The following CACNA2D3 variants were observed in gnomAD, a reference collection of about 807,000 sequenced individuals.
The protein encoded by CACNA2D3 is calcium voltage-gated channel auxiliary subunit alpha2delta 3, also known as voltage-dependent calcium channel subunit alpha-2/delta-3.
Under a neutral mutation model 160.6 loss-of-function variants are expected in CACNA2D3, and 60 were observed. The observed-to-expected ratio is 0.37, with a 90% CI of 0.30 to 0.46. CACNA2D3 has a LOEUF of 0.46. Ranked by LOEUF, CACNA2D3 falls within the 20% of genes least tolerant of loss-of-function variation. The pLI, the probability that CACNA2D3 is intolerant of heterozygous loss-of-function variation, is 1.00. For synonymous variants in CACNA2D3, 558 were observed against 492.9 expected (o/e 1.13, Z -1.75); for missense variants, 1,205 against 1,365.0 (o/e 0.88, Z 1.85).
intron 13 of CACNA2D3, among the ~76,000 whole-genome samples, chr3:54,810,154 A>G (rs2106697326): frequency 6.6e-6 from 1 of 152,306 alleles, no homozygotes; most frequent in Admixed American, 6.5e-5. Flanking sequence ...CAACCAGAGG[A>G]AAGAGCCCCA....
chr3:55,000,702 C>A (rs1030008620), intron 31 of CACNA2D3, among the ~76,000 whole-genome samples: 3 of 152,172 alleles, frequency 2.0e-5, no homozygotes, highest in African/African-American at 7.2e-5. Context: ...TGCCATCTGT[C>A]AGAGTGGTTA....
chr3:54,363,059 G>A (rs1012407199), intron 3 of CACNA2D3, among the ~76,000 whole-genome samples: 3 of 152,056 alleles, frequency 2.0e-5, no homozygotes, highest in African/African-American at 7.2e-5. Context: ...GCCAGGTGTG[G>A]TGGTGTGCGC....
chr3:54,978,443 G>A (rs1315423578), intron 29 of CACNA2D3, among the ~76,000 whole-genome samples: 2 of 152,214 alleles, frequency 1.3e-5, no homozygotes, highest in African/African-American at 4.8e-5. Context: ...GAGGAGCTCA[G>A]TCAGAAAGCA....
chr3:54,766,799 A>G (rs913506169), intron 13 of CACNA2D3, among the ~76,000 whole-genome samples: 6 of 152,158 alleles, frequency 3.9e-5, no homozygotes, highest in Non-Finnish European at 7.3e-5. Flanking sequence ...AGAGTGATTT[A>G]CAGAATATAC....
At chr3:54,428,818 T>C (rs888759831) in intron 4 of CACNA2D3, among the ~76,000 whole-genome samples, 1 of 152,244 alleles carries the variant, frequency 6.6e-6, no homozygotes, top group African/African-American at 2.4e-5. Flanking sequence ...GGTTAGTCTG[T>C]ATTAACATAA....
chr3:54,608,665 G>A (rs1698685625), intron 9 of CACNA2D3, among the ~76,000 whole-genome samples: 1 of 152,228 alleles, frequency 6.6e-6, no homozygotes, highest in Non-Finnish European at 1.5e-5. Context: ...CAGTGGTAGT[G>A]CTCAAAGATG....
intron 18 of CACNA2D3, among the ~76,000 whole-genome samples, chr3:54,872,334 T>C (rs959823956): frequency 1.3e-5 from 2 of 152,138 alleles, no homozygotes; most frequent in African/African-American, 4.8e-5. Flanking sequence ...AGGTGGACTC[T>C]CCTTAATTAA....
chr3:54,239,731 A>G (rs1701942653), intron 2 of CACNA2D3, among the ~76,000 whole-genome samples: 1 of 152,262 alleles, frequency 6.6e-6, no homozygotes, highest in South Asian at 2.1e-4. Flanking sequence ...ATAACAGTGT[A>G]GTGGGTAAAT....
Position 54,990,546 on chromosome 3 carries a change from A to G in CACNA2D3, c.2690+2793A>G, listed in dbSNP as rs114339965. ...ACTCCATCTCAAACAAAAAAAAGAA[A>G]GAAAGAAAGAAACAAGTTTCATGCA... On this transcript the variant is annotated intron_variant, in intron 31 of 37. Coordinates refer to ENST00000474759, the MANE Select transcript of CACNA2D3 (RefSeq NM_018398.3). Among the ~76,000 whole-genome samples the G allele has an allele frequency of 3.0e-3, 463 of 152,312 alleles. 4 individuals are homozygous for G. Among genetic ancestry groups the G allele is most frequent in the African/African-American group, 0.01 (436 of 41,584 alleles).
intron 13 of CACNA2D3, among the ~76,000 whole-genome samples, chr3:54,811,587 T>A (rs1317437991): frequency 6.7e-6 from 1 of 148,296 alleles, no homozygotes; most frequent in Non-Finnish European, 1.5e-5. Flanking sequence ...AACCTCCGCC[T>A]CCCAGGTACA....
intron 27 of CACNA2D3, among the ~76,000 whole-genome samples, chr3:54,966,468 G>A (rs1702153016): frequency 6.6e-6 from 1 of 152,184 alleles, no homozygotes; most frequent in Middle Eastern, 3.2e-3. Flanking sequence ...CCCAACAGCT[G>A]ATTTACTAAA....
At chr3:54,794,876 G>A (rs1391378511) in intron 13 of CACNA2D3, among the ~76,000 whole-genome samples, 2 of 151,868 alleles carry the variant, frequency 1.3e-5, no homozygotes, top group African/African-American at 4.8e-5. Flanking sequence ...CCTTGGTATT[G>A]TTTTCTTTTT....
At chr3:54,877,113 A>T (rs1379576705) in intron 18 of CACNA2D3, 2 of 152,180 alleles carry the variant, frequency 1.3e-5, no homozygotes, top group Non-Finnish European at 2.9e-5. Flanking sequence ...GAGGTCACAA[A>T]ATCCATTTAG....
chr3:54,207,392 G>A (rs538063392), intron 2 of CACNA2D3, among the ~76,000 whole-genome samples: 1 of 150,798 alleles, frequency 6.6e-6, no homozygotes, highest in Admixed American at 6.7e-5. Context: ...GAACCACTGT[G>A]TCCTCTGTGT....
At chr3:54,219,408 C>G (rs1224443325) in intron 2 of CACNA2D3, among the ~76,000 whole-genome samples, 2 of 152,126 alleles carry the variant, frequency 1.3e-5, no homozygotes, top group African/African-American at 4.8e-5. Context: ...GGGATATCCG[C>G]TCTGTTTTTC....
chr3:54,808,229 TAGTA>T lies in CACNA2D3; in HGVS notation c.1381-8621_1381-8618del, dbSNP rs543363883. Among the ~76,000 whole-genome samples the T allele has an allele frequency of 5.9e-3, 900 of 152,066 alleles. 8 individuals are homozygous for T. The highest frequency in any genetic ancestry group is 0.01 in the Non-Finnish European group (701 of 67,964). On this transcript the variant is annotated intron_variant, in intron 13 of 37. Transcript: ENST00000474759. ...ATAATAATTTTTAAAAAATAAAAAA[TAGTA>T]AGAAAAATTCAGTTCACTCCAGATG...
intron 2 of CACNA2D3, among the ~76,000 whole-genome samples, chr3:54,255,731 G>A (rs547041490): frequency 3.9e-5 from 6 of 152,040 alleles, no homozygotes; most frequent in Non-Finnish European, 5.9e-5. Context: ...CATATTCCCC[G>A]CTGCAGGCCT....
intron 5 of CACNA2D3, among the ~76,000 whole-genome samples, chr3:54,557,028 TG>T (rs1702252702): frequency 6.8e-6 from 1 of 146,430 alleles, no homozygotes; most frequent in Non-Finnish European, 1.5e-5. Context: ...CTATTTTTTC[TG>T]TTTTTTCTTT....
intron 35 of CACNA2D3, among the ~76,000 whole-genome samples, chr3:55,058,213 A>G (rs1324887466): frequency 1.3e-5 from 2 of 152,352 alleles, no homozygotes; most frequent in African/African-American, 2.4e-5. Flanking sequence ...AACCCAAAGT[A>G]TAGCAGACTA....
Sources: gnomAD v4.1 joint callset for allele counts (sites outside exome capture counted in the v4.1 genomes callset) on GRCh38, gnomAD v4.1.1 for gene constraint, MANE v1.5 for transcripts, NCBI Gene and HGNC (gene_info 2026-07-23, HGNC 2026-07-21) for gene names.